LPIN1: variants seen among roughly 807,000 people sequenced by gnomAD.
The protein encoded by LPIN1 is phosphatidate phosphatase LPIN1.
LPIN1 carries 71 observed loss-of-function variants against 107.5 expected under a neutral mutation model. That is an observed-to-expected ratio of 0.66 (90% CI 0.55 to 0.80). The LOEUF is 0.80. LPIN1 is among the 30% of genes least tolerant of loss of function. The pLI, the probability that LPIN1 is intolerant of heterozygous loss-of-function variation, is 0.00. For synonymous variants in LPIN1, 445 were observed against 452.6 expected (o/e 0.98, Z 0.21); for missense variants, 1,043 against 1,160.6 (o/e 0.90, Z 1.47).
intron 1 of LPIN1, among the ~76,000 whole-genome samples, chr2:11,748,989 G>A (rs1667391150): frequency 6.6e-6 from 1 of 152,172 alleles, no homozygotes; most frequent in Admixed American, 6.5e-5. Context: ...GGGTCCTGAG[G>A]AGGAAGTCCC....
At chr2:11,801,190 G>C (rs1229372698) in intron 14 of LPIN1, among the ~76,000 whole-genome samples, 2 of 152,212 alleles carry the variant, frequency 1.3e-5, no homozygotes, top group African/African-American at 4.8e-5. Flanking sequence ...ATGGAAAACA[G>C]TATGGAGATT....
chr2:11,691,084 GTTTTT>G (rs59865645), intron 1 of LPIN1, among the ~76,000 whole-genome samples: 3 of 140,604 alleles, frequency 2.1e-5, no homozygotes, highest in African/African-American at 8.1e-5. Flanking sequence ...TCTTGTTGTG[GTTTTT>G]TTTTTTTTTT....
chr2:11,820,445 T>A lies in LPIN1; in HGVS notation c.2552T>A (p.Leu851Ter), dbSNP rs1459281730. 6.2e-7 allele frequency: 1 copy of A among 1,613,600 alleles called. No individual in the cohort carries two copies. Among genetic ancestry groups the A allele is most frequent in the East Asian group, 2.2e-5 (1 of 44,868 alleles). The change falls in exon 20 of 21, where the codon TTG (leucine) becomes TAG (stop). Residue 851 changes from leucine (L) to a stop codon, truncating the protein, a stop_gained. Transcript: ENST00000674199. LOFTEE classifies it high-confidence loss of function. ...TCATACAAGCAAGTAGGAGTGTCTT[T>A]GAATAGAATATTTACCGTCAACCCT... ...VYSYKQVGVS[L>*]NRIFTVNPKG...
chr2:11,804,830 C>A (rs149150773), intron 16 of LPIN1, among the ~76,000 whole-genome samples: 1 of 152,186 alleles, frequency 6.6e-6, no homozygotes, highest in Non-Finnish European at 1.5e-5. Flanking sequence ...TTTTGAATGG[C>A]CTTTACCTTT....
upstream of LPIN1, chr2:11,722,479 A>G (rs988364073): frequency 6.6e-6 from 1 of 152,234 alleles, no homozygotes; most frequent in Admixed American, 6.5e-5. Flanking sequence ...TGTAATGGCC[A>G]GTAGGGACTG....
chr2:11,779,309 G>T (rs1212049122), intron 6 of LPIN1, among the ~76,000 whole-genome samples: 1 of 152,200 alleles, frequency 6.6e-6, no homozygotes, highest in African/African-American at 2.4e-5. Context: ...AGGCGGCAGG[G>T]TGGGGCGGGC....
chr2:11,811,854 G>A (rs973606275), intron 17 of LPIN1, among the ~76,000 whole-genome samples: 2 of 152,052 alleles, frequency 1.3e-5, no homozygotes, highest in Admixed American at 1.3e-4. Context: ...GCGTGGTAGT[G>A]CATGCCTGTA....
chr2:11,687,905 A>C (rs990079975), intron 1 of LPIN1, among the ~76,000 whole-genome samples: 1 of 152,258 alleles, frequency 6.6e-6, no homozygotes, highest in Admixed American at 6.5e-5. Flanking sequence ...GCTGGCCGAG[A>C]GGACACCGGG....
At chr2:11,715,830 G>A (rs140669546) in intron 2 of LPIN1, among the ~76,000 whole-genome samples, 5 of 152,218 alleles carry the variant, frequency 3.3e-5, no homozygotes, top group Admixed American at 1.3e-4. Flanking sequence ...GATGGGTACC[G>A]ATGACCAGGA....
At chr2:11,804,247 C>CA (rs1678260726) in intron 15 of LPIN1, among the ~76,000 whole-genome samples, 176 bp from the exon 16 acceptor site, 1 of 152,110 alleles carries the variant, frequency 6.6e-6, no homozygotes, top group Non-Finnish European at 1.5e-5. Flanking sequence ...TTTGCCTGTC[C>CA]AGCCCCGGAA....
intron 1 of LPIN1, among the ~76,000 whole-genome samples, chr2:11,764,723 G>T (rs976212194): frequency 1.3e-5 from 2 of 152,218 alleles, no homozygotes; most frequent in African/African-American, 4.8e-5. Flanking sequence ...GCAGTCATTT[G>T]TTTTTCAACT....
In LPIN1 at chr2:11,762,529, G is replaced by GT. The variant is rs1182372871; in HGVS notation, c.-9-3003dup. Among the ~76,000 whole-genome samples the GT allele has an allele frequency of 2.6e-5, 4 of 152,130 alleles. No individual in the cohort carries two copies. In the East Asian group the frequency reaches 7.7e-4, roughly 29 times the overall value. On this transcript the variant is annotated intron_variant, in intron 1 of 20. Coordinates refer to ENST00000674199, the MANE Select transcript of LPIN1 (RefSeq NM_001349206.2). ...GTGGTCCAGCCCCCATCCTCCGAGAGTCCTCTGATTAAACTTTGGTGTGGG... is the reference window on the plus strand; with the variant it reads ...GTGGTCCAGCCCCCATCCTCCGAGAGTTCCTCTGATTAAACTTTGGTGTGGG...
At chr2:11,754,098 C>G (rs929405409) in intron 1 of LPIN1, among the ~76,000 whole-genome samples, 4 of 152,196 alleles carry the variant, frequency 2.6e-5, no homozygotes, top group East Asian at 3.9e-4. Flanking sequence ...AGTGCCTTCC[C>G]TAGAGGAAGG....
At chr2:11,759,139 TTC>T (rs1403081509) in intron 1 of LPIN1, among the ~76,000 whole-genome samples, 4 of 83,296 alleles carry the variant, frequency 4.8e-5, no homozygotes, top group East Asian at 3.1e-4. Context: ...TTTCTTTTCT[TTC>T]TTTCTTTCTT....
chr2:11,750,925 C>T (rs1667697334), intron 1 of LPIN1, among the ~76,000 whole-genome samples: 1 of 152,130 alleles, frequency 6.6e-6, no homozygotes, highest in Non-Finnish European at 1.5e-5. Context: ...GACCAAGACA[C>T]GAATTTGGAC....
chr2:11,710,128 T>A (rs1663334947), intron 1 of LPIN1, among the ~76,000 whole-genome samples: 1 of 152,184 alleles, frequency 6.6e-6, no homozygotes, highest in South Asian at 2.1e-4. Flanking sequence ...ATTATCTTTC[T>A]CCTACCCTTA....
chr2:11,749,365 G>C (rs1324894009), intron 1 of LPIN1, among the ~76,000 whole-genome samples: 1 of 152,112 alleles, frequency 6.6e-6, no homozygotes, highest in Non-Finnish European at 1.5e-5. Flanking sequence ...AAGGGAATCT[G>C]TGCCCCCTAG....
upstream of LPIN1, among the ~76,000 whole-genome samples, chr2:11,744,207 C>A (rs139629972): frequency 4.6e-5 from 7 of 152,208 alleles, no homozygotes; most frequent in Non-Finnish European, 7.3e-5. Flanking sequence ...TCTCCTCTTC[C>A]GAGTGCAGCT....
At chr2:11,703,415 C>T (rs1662980442) in intron 1 of LPIN1, among the ~76,000 whole-genome samples, 1 of 152,140 alleles carries the variant, frequency 6.6e-6, no homozygotes, top group African/African-American at 2.4e-5. Flanking sequence ...GCCCTGGGGT[C>T]CAATCTTAAC....
Sources: allele counts gnomAD v4.1 joint callset (sites outside exome capture counted in the v4.1 genomes callset), GRCh38; gene constraint gnomAD v4.1.1; transcripts MANE v1.5; gene names NCBI Gene and HGNC (gene_info 2026-07-23, HGNC 2026-07-21).